Variants in CDK17 observed in about 807,000 individuals in gnomAD.
CDK17 encodes cyclin dependent kinase 17.
Under a neutral mutation model 77.6 loss-of-function variants are expected in CDK17, and 24 were observed. The ratio of observed to expected loss-of-function variants is 0.31; its 90% CI spans 0.22 to 0.44. The LOEUF (loss-of-function observed/expected upper bound fraction) is 0.44. Among genes scored for constraint, CDK17 ranks in the 20% least tolerant of loss-of-function variants. The pLI is 1.00. For missense variants in CDK17, 429 were observed against 622.5 expected (o/e 0.69, Z 3.31); for synonymous variants, 203 against 210.4 (o/e 0.96, Z 0.30).
chr12:96,376,951 T>C (rs531099493), intron 1 of CDK17, among the ~76,000 whole-genome samples: 1 of 152,082 alleles, frequency 6.6e-6, no homozygotes, highest in Non-Finnish European at 1.5e-5. Flanking sequence ...GAAAAGAAAC[T>C]CTAAAGGAGT....
At chr12:96,376,460 A>G (rs1244307706) in intron 1 of CDK17, among the ~76,000 whole-genome samples, 2 of 152,180 alleles carry the variant, frequency 1.3e-5, no homozygotes, top group Non-Finnish European at 2.9e-5. Flanking sequence ...ATGGCCCCCT[A>G]CAAATGCTTA....
intron 14 of CDK17, among the ~76,000 whole-genome samples, chr12:96,283,164 AG>A (rs1388861695): frequency 6.6e-6 from 1 of 152,178 alleles, no homozygotes; most frequent in East Asian, 1.9e-4. Flanking sequence ...GAAACCTTGT[AG>A]GGGTTTCTGT....
intron 1 of CDK17, among the ~76,000 whole-genome samples, chr12:96,390,153 ATTT>A (rs199749035): frequency 4.6e-5 from 6 of 129,346 alleles, no homozygotes; most frequent in African/African-American, 2.9e-5. Context: ...TTAAAACTCA[ATTT>A]TTTTTTTTTT....
intron 1 of CDK17, among the ~76,000 whole-genome samples, chr12:96,362,821 C>T (rs1953516261): frequency 6.6e-6 from 1 of 152,152 alleles, no homozygotes; most frequent in Admixed American, 6.5e-5. Flanking sequence ...CACCAAACAT[C>T]AAAGCAGTTT....
intron 3 of CDK17, among the ~76,000 whole-genome samples, chr12:96,323,273 A>AC (rs202148172): frequency 3.3e-5 from 4 of 119,844 alleles, no homozygotes; most frequent in South Asian, 5.8e-4. Context: ...TCTTCTAAAA[A>AC]AAAAAAAAAA....
intron 9 of CDK17, chr12:96,295,331 TATTTC>T (rs1300059942): frequency 2.8e-6 from 1 of 355,108 alleles, no homozygotes; most frequent in African/African-American, 2.1e-5. Flanking sequence ...AGCATCTACC[TATTTC>T]TTTTAGTCTA....
rs113580469 is a variant in CDK17 at position 96,297,513 on chromosome 12, C to T, written c.810+114G>A. The stretch of plus-strand genomic sequence containing the variant: ...AAGTCTCTTGGGCTGTTAAAAAGTC[C>T]AATTTAGCTAAGCACAGCTGCAGTT... On this transcript the variant is annotated intron_variant, in intron 8 of 16. Transcript: ENST00000261211. The T allele has an allele frequency of 2.5e-5, 21 of 837,476 alleles. No individual in the cohort carries two copies. The African/African-American group carries it at 3.5e-4, about 14-fold the overall frequency. 51.9% of individuals were successfully genotyped at this position (837,476 alleles called of 1,614,324 possible).
At chr12:96,281,087 C>A (rs1345068207) in intron 15 of CDK17, among the ~76,000 whole-genome samples, 1 of 152,180 alleles carries the variant, frequency 6.6e-6, no homozygotes, top group Non-Finnish European at 1.5e-5. Flanking sequence ...CCTTTAGAAC[C>A]TTTCTTCTTC....
At chr12:96,294,390 G>C (rs374035077) in intron 10 of CDK17, among the ~76,000 whole-genome samples, 2 of 151,698 alleles carry the variant, frequency 1.3e-5, no homozygotes, top group Non-Finnish European at 2.9e-5. Context: ...TCAGGAGTTC[G>C]AGATCAGCCT....
Position 96,384,079 on chromosome 12 carries a change from G to T in CDK17, c.-30+15907C>A, listed in dbSNP as rs561428284. Reference sequence around the variant, plus strand: ...CACAAGAAAAAAAAAATCCCATTAAGAAGTAGACAAAGGACATGAACAGAC... The same window carrying T: ...CACAAGAAAAAAAAAATCCCATTAATAAGTAGACAAAGGACATGAACAGAC... On this transcript the variant is annotated intron_variant, in intron 1 of 16. Coordinates refer to ENST00000261211, the MANE Select transcript of CDK17 (RefSeq NM_002595.5). Among the ~76,000 whole-genome samples the T allele has an allele frequency of 1.4e-4, 21 of 151,772 alleles. No individual in the cohort carries two copies. The South Asian group carries it at 4.2e-3, about 30-fold the overall frequency.
chr12:96,334,221 T>G (rs1953009967), intron 2 of CDK17, among the ~76,000 whole-genome samples: 1 of 152,224 alleles, frequency 6.6e-6, no homozygotes, highest in Non-Finnish European at 1.5e-5. Context: ...ACCAGGATTT[T>G]GTATTTAACA....
intron 5 of CDK17, among the ~76,000 whole-genome samples, chr12:96,304,264 C>A (rs1317256043): frequency 6.6e-6 from 1 of 152,128 alleles, no homozygotes; most frequent in African/African-American, 2.4e-5. Context: ...CGGGGCCGGG[C>A]ACGGTGGCTC....
intron 1 of CDK17, chr12:96,386,878 C>A: frequency 5.0e-6 from 1 of 200,698 alleles, no homozygotes; most frequent in Non-Finnish European, 1.1e-5. Flanking sequence ...ATGTACTCTT[C>A]CTCTACCTCT....
chr12:96,284,538 A>C (rs1477232382), intron 13 of CDK17: 1 of 151,564 alleles, frequency 6.6e-6, no homozygotes, highest in Admixed American at 6.6e-5. Flanking sequence ...AATTAGTATA[A>C]CTAGGGGTAG....
At chr12:96,308,429 T>TAA (rs1222956889) in intron 5 of CDK17, among the ~76,000 whole-genome samples, 1 of 151,354 alleles carries the variant, frequency 6.6e-6, no homozygotes, top group African/African-American at 2.4e-5. Flanking sequence ...ATAGTTCCAT[T>TAA]ATATAATAAT....
At chr12:96,301,241 C>CAAAAAAAAA (rs376295045) in intron 5 of CDK17, among the ~76,000 whole-genome samples, 2 of 85,562 alleles carry the variant, frequency 2.3e-5, no homozygotes, top group African/African-American at 4.4e-5. Context: ...AACACTCGGC[C>CAAAAAAAAA]AAAAAAAAAA....
chr12:96,345,168 T>C, intron 1 of CDK17, among the ~76,000 whole-genome samples: 1 of 152,242 alleles, frequency 6.6e-6, no homozygotes, highest in Non-Finnish European at 1.5e-5. Context: ...TCATTCCTTT[T>C]TGTGGCTGAA....
intron 11 of CDK17, among the ~76,000 whole-genome samples, chr12:96,288,498 T>C (rs1273913657): frequency 6.6e-6 from 1 of 152,142 alleles, no homozygotes; most frequent in East Asian, 1.9e-4. Context: ...ACATTATTCC[T>C]GAGATATAGT....
In CDK17 at chr12:96,323,281, AAAACAAAAACAAAC is replaced by A. The variant is rs1240323875; in HGVS notation, c.283+653_283+666del. Among the ~76,000 whole-genome samples, 11 of 147,144 alleles carry A rather than the reference AAAACAAAAACAAAC, an allele frequency of 7.5e-5. No homozygotes were observed. The East Asian group carries it at 7.9e-4, about 11-fold the overall frequency. On this transcript the variant is annotated intron_variant, in intron 3 of 16. Coordinates refer to ENST00000261211, the MANE Select transcript of CDK17 (RefSeq NM_002595.5). ...GACCCCGTCTTCTAAAAAAAAAAAA[AAAACAAAAACAAAC>A]AAACAAACAAATTAGCCAGGCGTAG... is the stretch of plus-strand genomic sequence containing the variant.
Sources: allele counts gnomAD v4.1 joint callset (sites outside exome capture counted in the v4.1 genomes callset), GRCh38; gene constraint gnomAD v4.1.1; transcripts MANE v1.5; gene names NCBI Gene and HGNC (gene_info 2026-07-23, HGNC 2026-07-21).